Variants in MAP3K20 observed in about 807,000 individuals in gnomAD.
MAP3K20 encodes HCCS-4.
MAP3K20 carries 40 observed loss-of-function variants against 85.7 expected under a neutral mutation model. The observed-to-expected ratio is 0.47, with a 90% CI of 0.36 to 0.61. The LOEUF (loss-of-function observed/expected upper bound fraction) is 0.61. Among genes scored for constraint, MAP3K20 ranks in the 20% least tolerant of loss-of-function variants. The pLI, the probability that MAP3K20 is intolerant of heterozygous loss-of-function variation, is 0.00. For synonymous variants in MAP3K20, 325 were observed against 327.7 expected (o/e 0.99, Z 0.09); for missense variants, 817 against 961.7 (o/e 0.85, Z 1.99).
chr2:173,213,458 A>AAAAC (rs1425094182), intron 10 of MAP3K20, among the ~76,000 whole-genome samples: 6 of 152,242 alleles, frequency 3.9e-5, no homozygotes, highest in African/African-American at 1.4e-4. Context: ...CAATTGGTTA[A>AAAAC]AAACAGGACT....
chr2:173,075,709 C>T (rs534491488), upstream of MAP3K20: 5 of 984,788 alleles, frequency 5.1e-6, no homozygotes, highest in African/African-American at 8.8e-5. Flanking sequence ...GGGCGCGGGG[C>T]GGATGGTGCC....
At chr2:173,223,605 T>C in intron 11 of MAP3K20, 2 of 985,456 alleles carry the variant, frequency 2.0e-6, no homozygotes, top group Non-Finnish European at 2.4e-6. Context: ...GAATGTAAGC[T>C]AAACAGATTT....
At chr2:173,226,617 C>T in intron 11 of MAP3K20, 1 of 985,824 alleles carries the variant, frequency 1.0e-6, no homozygotes, top group Non-Finnish European at 1.2e-6. Flanking sequence ...TCAGACTCCA[C>T]CTTTGTTTGC....
At chr2:173,218,195 GTCTTAA>G (rs1684132541) in intron 11 of MAP3K20, among the ~76,000 whole-genome samples, 1 of 152,122 alleles carries the variant, frequency 6.6e-6, no homozygotes, top group South Asian at 2.1e-4. Context: ...ATCTTTAAAA[GTCTTAA>G]TCTTCATTAA....
chr2:173,175,211 T>A (rs1160153180), intron 3 of MAP3K20, among the ~76,000 whole-genome samples: 4 of 152,198 alleles, frequency 2.6e-5, no homozygotes, highest in Admixed American at 2.6e-4. Flanking sequence ...GTTGTTCAAA[T>A]AAATTAATGG....
At chr2:173,245,703 G>A (rs1025256165) in intron 16 of MAP3K20, among the ~76,000 whole-genome samples, 6 of 152,140 alleles carry the variant, frequency 3.9e-5, no homozygotes, top group Admixed American at 6.5e-5. Flanking sequence ...AGGCCAAGAC[G>A]GGCAGATCAC....
At chr2:173,079,862 T>A (rs1419745385) in intron 1 of MAP3K20, among the ~76,000 whole-genome samples, 1 of 151,218 alleles carries the variant, frequency 6.6e-6, no homozygotes, top group East Asian at 1.9e-4. Context: ...TCTGGACACC[T>A]CCTGAAGGAC....
intron 12 of MAP3K20, among the ~76,000 whole-genome samples, chr2:173,230,451 G>A (rs561731465): frequency 6.6e-6 from 1 of 152,312 alleles, no homozygotes; most frequent in Admixed American, 6.5e-5. Context: ...CTGTTTGAAA[G>A]TGAGGCATCA....
intron 2 of MAP3K20, among the ~76,000 whole-genome samples, chr2:173,117,886 T>G (rs2106183351): frequency 6.6e-6 from 1 of 152,326 alleles, no homozygotes; most frequent in South Asian, 2.1e-4. Flanking sequence ...TGTCATTCTT[T>G]CCTGCCTATC....
At chr2:173,137,044 A>G (rs1688817463) in intron 2 of MAP3K20, among the ~76,000 whole-genome samples, 1 of 152,156 alleles carries the variant, frequency 6.6e-6, no homozygotes, top group African/African-American at 2.4e-5. Context: ...AAATTTTTGG[A>G]AGATTGGTCT....
At chr2:173,121,860 T>A (rs1018494101) in intron 2 of MAP3K20, among the ~76,000 whole-genome samples, 2 of 152,122 alleles carry the variant, frequency 1.3e-5, no homozygotes, top group Non-Finnish European at 2.9e-5. Context: ...TCAGCCTTGA[T>A]AAGGGGAAGT....
chr2:173,179,216 AC>A (rs1690252626), intron 3 of MAP3K20, among the ~76,000 whole-genome samples: 1 of 152,030 alleles, frequency 6.6e-6, no homozygotes, highest in East Asian at 1.9e-4. Flanking sequence ...ACACAGTGAA[AC>A]CCCGTCTCTA....
At chr2:173,201,633 A>G (rs1383439717) in intron 8 of MAP3K20, among the ~76,000 whole-genome samples, 1 of 152,200 alleles carries the variant, frequency 6.6e-6, no homozygotes, top group African/African-American at 2.4e-5. Flanking sequence ...ATTGGGAAAT[A>G]TTTTAATTTG....
chr2:173,093,832 CT>C (rs1687375216), intron 2 of MAP3K20, among the ~76,000 whole-genome samples: 1 of 152,058 alleles, frequency 6.6e-6, no homozygotes, highest in Non-Finnish European at 1.5e-5. Context: ...AGTTCATGTC[CT>C]TTGTAGGGAC....
chr2:173,107,298 G>A (rs966597828), intron 2 of MAP3K20, among the ~76,000 whole-genome samples: 3 of 152,198 alleles, frequency 2.0e-5, no homozygotes, highest in Admixed American at 6.5e-5. Flanking sequence ...GGGAGGGCCA[G>A]GCTCTGGACA....
chr2:173,221,066 A>T, intron 11 of MAP3K20: 2 of 1,233,432 alleles, frequency 1.6e-6, no homozygotes, highest in East Asian at 2.5e-5. Flanking sequence ...GTGTAGTGCC[A>T]ACTAATTTTG....
chr2:173,099,978 A>G (rs1002821254), intron 2 of MAP3K20, among the ~76,000 whole-genome samples: 1 of 152,252 alleles, frequency 6.6e-6, no homozygotes, highest in African/African-American at 2.4e-5. Context: ...GCATCTTCAC[A>G]ACTGTACCCC....
At chr2:173,162,054 T>G (rs1689674855) in intron 2 of MAP3K20, among the ~76,000 whole-genome samples, 1 of 152,208 alleles carries the variant, frequency 6.6e-6, no homozygotes, top group Admixed American at 6.5e-5. Flanking sequence ...TTACATAGAC[T>G]TATTGTAAAG....
At chr2:173,163,993 C>G (rs1689740072) in intron 2 of MAP3K20, among the ~76,000 whole-genome samples, 1 of 151,152 alleles carries the variant, frequency 6.6e-6, no homozygotes, top group Non-Finnish European at 1.5e-5. Flanking sequence ...CGGAGTCTAG[C>G]TCTGTCGCGA....
Sources: allele counts gnomAD v4.1 joint callset (sites outside exome capture counted in the v4.1 genomes callset), GRCh38; gene constraint gnomAD v4.1.1; transcripts MANE v1.5; gene names NCBI Gene and HGNC (gene_info 2026-07-23, HGNC 2026-07-21).